AKAP6: variants seen among roughly 807,000 people sequenced by gnomAD.
AKAP6 encodes the protein A-kinase anchoring protein 6.
A neutral mutation model predicts 188.5 loss-of-function variants in AKAP6; 58 were observed. The ratio of observed to expected loss-of-function variants is 0.31; its 90% CI spans 0.25 to 0.38. The LOEUF is 0.38. AKAP6 is among the 10% of genes least tolerant of loss of function. The pLI, the probability that AKAP6 is intolerant of heterozygous loss-of-function variation, is 1.00. For synonymous variants in AKAP6, 989 were observed against 998.6 expected (o/e 0.99, Z 0.18); for missense variants, 2,710 against 2,740.0 (o/e 0.99, Z 0.24).
chr14:32,813,895 G>C (rs559824697), intron 12 of AKAP6, among the ~76,000 whole-genome samples: 4 of 139,896 alleles, frequency 2.9e-5, no homozygotes, highest in African/African-American at 1.1e-4. Context: ...TTTTTTGCAG[G>C]GGGCGGTTGT....
rs2034837934 is a variant in AKAP6 at position 32,833,060 on chromosome 14, C to T, written c.*3255C>T. The T allele has an allele frequency of 6.6e-6, 1 of 152,290 alleles. No individual in the cohort carries two copies. Among genetic ancestry groups the T allele is most frequent in the Non-Finnish European group, 1.5e-5 (1 of 68,020 alleles). 9.4% of individuals were successfully genotyped at this position (152,290 alleles called of 1,614,324 possible). On this transcript the variant is annotated 3_prime_UTR_variant, in exon 14 of 14. Transcript: ENST00000280979. ...TTTCAAACAATAAATAAATAAGAATCCATGACTTCCTTCAGTGGCCCAGTC... is the reference window on the plus strand; with the variant it reads ...TTTCAAACAATAAATAAATAAGAATTCATGACTTCCTTCAGTGGCCCAGTC...
rs139410290 is a variant in AKAP6 at position 32,731,068 on chromosome 14, C to G, written c.3001-1386C>G. On this transcript the variant is annotated intron_variant, in intron 9 of 13. Transcript: ENST00000280979. ...CATGTAATTTTGGATACTCTGACAC[C>G]CTGATCAACATTCATTAATAATATG... is the stretch of plus-strand genomic sequence containing the variant. Among the ~76,000 whole-genome samples, 1,296 of 152,196 alleles carry G rather than the reference C, an allele frequency of 8.5e-3. 18 individuals are homozygous for G. Among genetic ancestry groups the G allele is most frequent in the African/African-American group, 0.03 (1,245 of 41,522 alleles).
intron 9 of AKAP6, among the ~76,000 whole-genome samples, chr14:32,718,513 G>A (rs1464921010): frequency 2.0e-5 from 3 of 152,142 alleles, no homozygotes; most frequent in Admixed American, 2.0e-4. Flanking sequence ...CTGATCAAAT[G>A]TTCTTGCTAT....
intron 1 of AKAP6, among the ~76,000 whole-genome samples, chr14:32,372,293 T>G (rs976073059): frequency 2.6e-5 from 4 of 152,286 alleles, no homozygotes; most frequent in East Asian, 1.9e-4. Flanking sequence ...CATTTTTTTT[T>G]TGTGGCTTCT....
intron 7 of AKAP6, among the ~76,000 whole-genome samples, chr14:32,630,120 G>A (rs1313010266): frequency 6.6e-6 from 1 of 152,020 alleles, no homozygotes; most frequent in Non-Finnish European, 1.5e-5. Context: ...GCTCTCAACT[G>A]CCTCTTCTTG....
chr14:32,497,764 G>T (rs1880400898), intron 2 of AKAP6, among the ~76,000 whole-genome samples: 1 of 151,828 alleles, frequency 6.6e-6, no homozygotes, highest in Non-Finnish European at 1.5e-5. Context: ...TTGTGAATTT[G>T]TCTGTTTCTC....
intron 12 of AKAP6, among the ~76,000 whole-genome samples, chr14:32,787,544 A>G (rs976962497): frequency 6.6e-6 from 1 of 152,204 alleles, no homozygotes. Flanking sequence ...AAAAGCAAAA[A>G]GAATTACTAC....
intron 1 of AKAP6, among the ~76,000 whole-genome samples, chr14:32,404,702 A>G (rs1275864530): frequency 7.7e-6 from 1 of 130,044 alleles, no homozygotes; most frequent in Non-Finnish European, 1.7e-5. Context: ...ATATATATAT[A>G]TATATATATT....
chr14:32,773,984 AATGGTTTT>A, intron 12 of AKAP6, 91 bp downstream of exon 12: 1 of 1,383,458 alleles, frequency 7.2e-7, no homozygotes, highest in Non-Finnish European at 1.0e-6. Flanking sequence ...TCATCTTATA[AATGGTTTT>A]ACTAACTAAC....
intron 1 of AKAP6, among the ~76,000 whole-genome samples, chr14:32,385,386 CTG>C (rs750074167): frequency 7.2e-6 from 1 of 138,606 alleles, no homozygotes; most frequent in Non-Finnish European, 1.5e-5. Context: ...CTAAATGTCT[CTG>C]TTTTTTATTT....
At chr14:32,666,767 G>A (rs1260895343) in intron 7 of AKAP6, among the ~76,000 whole-genome samples, 2 of 151,494 alleles carry the variant, frequency 1.3e-5, no homozygotes, top group African/African-American at 4.9e-5. Context: ...ATTAATTTAG[G>A]CTTTTTTTCA....
At chr14:32,469,570 T>C (rs1878654710) in intron 2 of AKAP6, among the ~76,000 whole-genome samples, 1 of 152,170 alleles carries the variant, frequency 6.6e-6, no homozygotes, top group South Asian at 2.1e-4. Flanking sequence ...AAGTACTTGC[T>C]GTACATTTAC....
intron 12 of AKAP6, among the ~76,000 whole-genome samples, chr14:32,804,056 C>T (rs1409724076): frequency 6.6e-6 from 1 of 152,170 alleles, no homozygotes; most frequent in Non-Finnish European, 1.5e-5. Context: ...GCCCAACCTA[C>T]CAGAATCTCT....
chr14:32,380,098 C>T (rs1472599171), intron 1 of AKAP6, among the ~76,000 whole-genome samples: 1 of 152,230 alleles, frequency 6.6e-6, no homozygotes, highest in Non-Finnish European at 1.5e-5. Flanking sequence ...CCATTTGTCT[C>T]TGCTGAGCAT....
At chr14:32,798,521 A>G (rs1189623257) in intron 12 of AKAP6, among the ~76,000 whole-genome samples, 1 of 152,220 alleles carries the variant, frequency 6.6e-6, no homozygotes, top group Non-Finnish European at 1.5e-5. Context: ...GTACATATAT[A>G]CCATGGAATA....
At chr14:32,827,992 G>C (rs1309797791) in intron 13 of AKAP6, among the ~76,000 whole-genome samples, 1 of 152,032 alleles carries the variant, frequency 6.6e-6, no homozygotes, top group African/African-American at 2.4e-5. Context: ...GGTGTTTTGG[G>C]GGGTGGGTTG....
chr14:32,807,197 A>AC (rs2034113211), intron 12 of AKAP6, among the ~76,000 whole-genome samples: 2 of 151,848 alleles, frequency 1.3e-5, no homozygotes, highest in Admixed American at 6.6e-5. Context: ...AAACTTAAAA[A>AC]ATTAGCCAGG....
At chr14:32,387,553 G>C (rs1888573365) in intron 1 of AKAP6, among the ~76,000 whole-genome samples, 1 of 149,158 alleles carries the variant, frequency 6.7e-6, no homozygotes, top group Admixed American at 6.7e-5. Flanking sequence ...TAATCATAAA[G>C]GGATGCTGGA....
chr14:32,623,461 C>CTT (rs1400291867), intron 7 of AKAP6, among the ~76,000 whole-genome samples: 6 of 152,134 alleles, frequency 3.9e-5, no homozygotes, highest in African/African-American at 7.2e-5. Context: ...CATCCCCCTA[C>CTT]TTCTTACCCA....
Sources: allele counts gnomAD v4.1 joint callset (sites outside exome capture counted in the v4.1 genomes callset), GRCh38; gene constraint gnomAD v4.1.1; transcripts MANE v1.5; gene names NCBI Gene and HGNC (gene_info 2026-07-23, HGNC 2026-07-21).